The following HSD17B4 variants were observed in gnomAD, a reference collection of about 807,000 sequenced individuals.
HSD17B4 encodes hydroxysteroid 17-beta dehydrogenase 4.
In HSD17B4, 70 loss-of-function variants were observed where a neutral mutation model predicts 101.0. The observed-to-expected ratio is 0.69, with a 90% CI of 0.57 to 0.85. HSD17B4 has a LOEUF of 0.85. Among genes scored for constraint, HSD17B4 ranks in the 40% least tolerant of loss-of-function variants. HSD17B4 has a pLI of 0.00. For missense variants in HSD17B4, 984 were observed against 892.4 expected (o/e 1.10, Z -1.31); for synonymous variants, 347 against 297.1 (o/e 1.17, Z -1.73).
intron 1 of HSD17B4, 35 bp downstream of exon 1, chr5:119,452,668 C>G: frequency 2.5e-6 from 4 of 1,613,068 alleles, no homozygotes; most frequent in South Asian, 1.1e-5. Context: ...GCGCCCCTTG[C>G]TGAGGCGCAG....
intron 20 of HSD17B4, among the ~76,000 whole-genome samples, chr5:119,528,631 A>G (rs1753803332): frequency 6.6e-6 from 1 of 152,124 alleles, no homozygotes; most frequent in South Asian, 2.1e-4. Flanking sequence ...TAAGATTATG[A>G]ACTCTAAAAG....
intron 23 of HSD17B4, among the ~76,000 whole-genome samples, chr5:119,539,593 A>G (rs994788391): frequency 6.6e-6 from 1 of 151,916 alleles, no homozygotes; most frequent in Non-Finnish European, 1.5e-5. Flanking sequence ...TAATAATAAT[A>G]AAAAAGAAGA....
At chr5:119,511,892 A>C (rs1752208438) in intron 16 of HSD17B4, among the ~76,000 whole-genome samples, 1 of 152,270 alleles carries the variant, frequency 6.6e-6, no homozygotes, top group Non-Finnish European at 1.5e-5. Flanking sequence ...CATAGACGGA[A>C]GAAACAAACA....
At chr5:119,506,290 G>A (rs1276826067) in intron 14 of HSD17B4, among the ~76,000 whole-genome samples, 1 of 152,170 alleles carries the variant, frequency 6.6e-6, no homozygotes, top group Non-Finnish European at 1.5e-5. Flanking sequence ...TCTTGTGATA[G>A]TTTGCTGAGA....
intron 17 of HSD17B4, among the ~76,000 whole-genome samples, chr5:119,516,064 AT>A (rs1296332091): frequency 6.6e-6 from 1 of 152,202 alleles, no homozygotes; most frequent in African/African-American, 2.4e-5. Flanking sequence ...TGCAGGACTT[AT>A]GTTTCCTAGC....
At chr5:119,487,823 A>G (rs1424234335) in intron 8 of HSD17B4, among the ~76,000 whole-genome samples, 1 of 152,130 alleles carries the variant, frequency 6.6e-6, no homozygotes, top group African/African-American at 2.4e-5. Flanking sequence ...ATGTATTGAG[A>G]TGAATGGATA....
intron 14 of HSD17B4, among the ~76,000 whole-genome samples, chr5:119,503,076 TTGTGTG>T (rs759039800): frequency 0.035 from 4,916 of 140,570 alleles, 110 homozygotes; most frequent in East Asian, 0.092. Context: ...ACCTTGGAAA[TTGTGTG>T]TGTGTGTGTG....
At chr5:119,454,970 A>G (rs1050358638) in intron 1 of HSD17B4, among the ~76,000 whole-genome samples, 7 of 152,302 alleles carry the variant, frequency 4.6e-5, no homozygotes, top group East Asian at 1.9e-4. Context: ...TCAGTTTGTT[A>G]TTTGTATACT....
chr5:119,531,011 A>G (rs984795779), intron 21 of HSD17B4, among the ~76,000 whole-genome samples: 6 of 152,040 alleles, frequency 3.9e-5, no homozygotes, highest in African/African-American at 1.4e-4. Context: ...TAGCTAAAAC[A>G]TAGGTTGTCC....
In HSD17B4 at chr5:119,519,161, C is replaced by CGTTT. The variant is rs1428448326; in HGVS notation, c.1503+4116_1503+4117insTTTG. Among the ~76,000 whole-genome samples the CGTTT allele has an allele frequency of 3.9e-5, 6 of 152,110 alleles. No individual in the cohort carries two copies. In the East Asian group the frequency reaches 9.7e-4, roughly 24 times the overall value. The stretch of plus-strand genomic sequence containing the variant: ...TCAAAACAAAACAAAACAAAACAAA[C>CGTTT]GAGTATGACAATACAAGTGTACTTT... On this transcript the variant is annotated intron_variant, in intron 17 of 23. Transcript: ENST00000510025.
At chr5:119,496,763 T>C (rs1750686242) in intron 12 of HSD17B4, 117 bp downstream of exon 12, 1 of 774,700 alleles carries the variant, frequency 1.3e-6, no homozygotes, top group Non-Finnish European at 2.4e-6. Flanking sequence ...GCAGTTACTT[T>C]CTTTCAGTCT....
chr5:119,476,489 T>A (rs1487857815), intron 6 of HSD17B4: 2 of 860,154 alleles, frequency 2.3e-6, no homozygotes, highest in African/African-American at 3.7e-5. Context: ...GAGGGAAGCA[T>A]GGCAACTGAG....
At chr5:119,527,103 C>T in intron 19 of HSD17B4, 30 bp from the exon 20 acceptor site, 2 of 1,363,744 alleles carry the variant, frequency 1.5e-6, no homozygotes, top group Non-Finnish European at 2.1e-6. Flanking sequence ...CCTTTTAAAA[C>T]ATTTTTAACC....
rs57252147 is a variant in HSD17B4 at position 119,463,655 on chromosome 5, C to CTTTTTTTT, written c.112+7310_112+7317dup. Among the ~76,000 whole-genome samples the CTTTTTTTT allele has an allele frequency of 3.7e-4, 11 of 29,700 alleles. 3 individuals carry two copies. Among genetic ancestry groups the CTTTTTTTT allele is most frequent in the South Asian group, 5.8e-3 (2 of 344 alleles). 19.5% of individuals were successfully genotyped at this position (29,700 alleles called of 152,430 possible). A position where few individuals can be genotyped will look rare whatever the true frequency, so the allele number is the denominator to read the frequency against. On this transcript the variant is annotated intron_variant, in intron 2 of 23. Coordinates refer to ENST00000510025, the MANE Select transcript of HSD17B4 (RefSeq NM_000414.4). ...ATATACTTCTTGGCCATTTATATGT[C>CTTTTTTTT]TTTTTTTTTTTTTTTTTTTTTTTTT...
chr5:119,475,024 T>A (rs1021168434), intron 4 of HSD17B4, among the ~76,000 whole-genome samples: 3 of 152,158 alleles, frequency 2.0e-5, no homozygotes, highest in Admixed American at 1.3e-4. Context: ...AAGCCCAACA[T>A]GTTTACAATC....
Position 119,542,040 on chromosome 5 carries a change from C to T in HSD17B4, c.*46C>T, listed in dbSNP as rs1348941090. On this transcript the variant is annotated 3_prime_UTR_variant, in exon 24 of 24. Coordinates refer to ENST00000510025, the MANE Select transcript of HSD17B4 (RefSeq NM_000414.4). The stretch of plus-strand genomic sequence containing the variant: ...TAAAAATGGAATCATTAAATACTCT[C>T]TTCACCCAAATATGCTTGATTATTC... The T allele has an allele frequency of 1.6e-6, 2 of 1,247,760 alleles. No homozygotes were observed. The highest frequency in any genetic ancestry group is 1.2e-5 in the South Asian group (1 of 82,440). The allele number at this position is 1,247,760 out of a possible 1,614,324, so 77.3% of individuals were successfully genotyped here. A position where few individuals can be genotyped will look rare whatever the true frequency, so the allele number is the denominator to read the frequency against.
chr5:119,515,196 T>G, intron 17 of HSD17B4, 150 bp downstream of exon 17: 1 of 569,946 alleles, frequency 1.8e-6, no homozygotes, highest in Non-Finnish European at 3.2e-6. Context: ...ATGTTTCCTG[T>G]GATTGCACGT....
Position 119,489,228 on chromosome 5 carries a change from C to T in HSD17B4, c.659C>T (p.Pro220Leu). 1 of 1,612,580 alleles carries T rather than the reference C, an allele frequency of 6.2e-7. No homozygotes were observed. The highest frequency in any genetic ancestry group is 8.5e-7 in the Non-Finnish European group (1 of 1,178,910). ...GCCCTGAAGCCAGAGTATGTGGCACCTCTTGTCCTTTGGCTTTGTCACGAG... is the reference window on the plus strand; with the variant it reads ...GCCCTGAAGCCAGAGTATGTGGCACTTCTTGTCCTTTGGCTTTGTCACGAG... ...VEALKPEYVA[P>L]LVLWLCHESC... Residue 220 changes from proline to leucine, a missense_variant, in exon 9 of 24, where the codon CCT becomes CTT. Physicochemically the swap from Pro to Leu is moderately conservative, Grantham distance 98 (BLOSUM62 -3). Coordinates refer to ENST00000510025, the MANE Select transcript of HSD17B4 (RefSeq NM_000414.4).
At chr5:119,511,200 C>A (rs1178518571) in intron 16 of HSD17B4, among the ~76,000 whole-genome samples, 1 of 152,188 alleles carries the variant, frequency 6.6e-6, no homozygotes, top group Non-Finnish European at 1.5e-5. Flanking sequence ...AAAGTTCTGA[C>A]CCTCTTCACA....
Sources: allele counts gnomAD v4.1 joint callset (sites outside exome capture counted in the v4.1 genomes callset), GRCh38; gene constraint gnomAD v4.1.1; transcripts MANE v1.5; gene names NCBI Gene and HGNC (gene_info 2026-07-23, HGNC 2026-07-21).